The following ARL6IP6 variants were observed in gnomAD, a reference collection of about 807,000 sequenced individuals.
ARL6IP6 encodes the protein ADP-ribosylation factor-like protein 6-interacting protein 6.
In ARL6IP6, 22 loss-of-function variants were observed where a neutral mutation model predicts 21.5. The ratio of observed to expected loss-of-function variants is 1.02; its 90% CI spans 0.73 to 1.46. The LOEUF is 1.46. Ranked by LOEUF, ARL6IP6 falls within the 40% of genes most tolerant of loss-of-function variation. The pLI, the probability that ARL6IP6 is intolerant of heterozygous loss-of-function variation, is 0.00. For missense variants in ARL6IP6, 388 were observed against 299.8 expected (o/e 1.29, Z -2.17); for synonymous variants, 164 against 125.3 (o/e 1.31, Z -2.06).
rs138592953 is a variant in ARL6IP6 at position 152,719,008 on chromosome 2, C to T, written c.384C>T (p.Ala128=). The T allele has an allele frequency of 3.3e-5, 52 of 1,573,652 alleles. 1 individual carries two copies. The highest frequency in any genetic ancestry group is 3.4e-4 in the Middle Eastern group (2 of 5,940). ...TTCTCGCCTTCCTCCTCGCCATCGCCTACTTGATCGTTAAAGGTATTGAAG... is the reference window on the plus strand; with the variant it reads ...TTCTCGCCTTCCTCCTCGCCATCGCTTACTTGATCGTTAAAGGTATTGAAG... The part of the protein sequence containing the change: ...AILLAFLLAI[A]YLIVKELHAE... The change falls in exon 1 of 4, where the codon GCC becomes GCT. Residue 128 remains alanine, a synonymous_variant. Coordinates refer to ENST00000326446, the MANE Select transcript of ARL6IP6 (RefSeq NM_152522.7).
Position 152,761,960 on chromosome 2 carries a change from A to G in ARL6IP6, c.*2120A>G, listed in dbSNP as rs61679785. Reference sequence around the variant, plus strand: ...ATAGAGAGAGATGTATCCGTAAGATATTTTTGTGGAATCCTAATTCTTCTG... The same window carrying G: ...ATAGAGAGAGATGTATCCGTAAGATGTTTTTGTGGAATCCTAATTCTTCTG... On this transcript the variant is annotated 3_prime_UTR_variant, in exon 4 of 4. Transcript: ENST00000326446. 1.0e-3 allele frequency among the ~76,000 whole-genome samples: 157 copies of G among 152,274 alleles called. 3 individuals carry two copies. The highest frequency in any genetic ancestry group is 3.7e-3 in the African/African-American group (154 of 41,544).
chr2:152,740,655 A>T (rs924967756), intron 3 of ARL6IP6, among the ~76,000 whole-genome samples: 1 of 152,006 alleles, frequency 6.6e-6, no homozygotes, highest in Non-Finnish European at 1.5e-5. Flanking sequence ...ATAAATACAA[A>T]ATAATGCATA....
chr2:152,735,582 G>T (rs1228381427), intron 3 of ARL6IP6, among the ~76,000 whole-genome samples: 1 of 152,098 alleles, frequency 6.6e-6, no homozygotes, highest in East Asian at 1.9e-4. Context: ...TATATGTCTA[G>T]ACCAGATTGG....
In ARL6IP6 at chr2:152,760,607, G is replaced by GA. The variant is rs1397982273; in HGVS notation, c.*773dup. ...AGTTTATTTTTAACAAAAAATGCCT[G>GA]AAAAAAGCTAAATTATTTAAGTCAT... is the stretch of plus-strand genomic sequence containing the variant. On this transcript the variant is annotated 3_prime_UTR_variant, in exon 4 of 4. Transcript: ENST00000326446. 1 of 151,666 alleles carries GA rather than the reference G, an allele frequency of 6.6e-6. No individual in the cohort carries two copies. Among genetic ancestry groups the GA allele is most frequent in the Non-Finnish European group, 1.5e-5 (1 of 67,880 alleles). The allele number at this position is 151,666 out of a possible 1,614,324, so 9.4% of individuals were successfully genotyped here. A position where few individuals can be genotyped will look rare whatever the true frequency, so the allele number is the denominator to read the frequency against.
In ARL6IP6 at chr2:152,754,691, G is replaced by A. The variant is rs116719059; in HGVS notation, c.588-5056G>A. On this transcript the variant is annotated intron_variant, in intron 3 of 3. Transcript: ENST00000326446. ...TTTACATTCCCACCAGCAATGTTCA[G>A]GACTTCTGATTTCCCCACATCCTCA... Among the ~76,000 whole-genome samples the A allele has an allele frequency of 4.8e-3, 723 of 152,120 alleles. 4 individuals are homozygous for A. Among genetic ancestry groups the A allele is most frequent in the African/African-American group, 0.016 (672 of 41,514 alleles).
chr2:152,734,629 T>A (rs1238107803), intron 2 of ARL6IP6, among the ~76,000 whole-genome samples: 2 of 152,206 alleles, frequency 1.3e-5, no homozygotes, highest in African/African-American at 4.8e-5. Flanking sequence ...ACACTGTGAT[T>A]GCAGGCATGA....
At chr2:152,727,120 G>T (rs1341333265) in intron 2 of ARL6IP6, among the ~76,000 whole-genome samples, 1 of 152,134 alleles carries the variant, frequency 6.6e-6, no homozygotes, top group Non-Finnish European at 1.5e-5. Context: ...ACAGTTTCAT[G>T]CATGTTGTTG....
In ARL6IP6 at chr2:152,725,661, A is replaced by G. The variant is rs568945120; in HGVS notation, c.454+5075A>G. Among the ~76,000 whole-genome samples, 20 of 151,974 alleles carry G rather than the reference A, an allele frequency of 1.3e-4. No homozygotes were observed. The East Asian group carries it at 1.4e-3, about 10-fold the overall frequency. On this transcript the variant is annotated intron_variant, in intron 2 of 3. Transcript: ENST00000326446. ...TAATGACGCAAGTGCAAAAAAAAAA[A>G]GCAGGAATAATGACAAGCTGTAACC...
chr2:152,718,549 G>T, upstream of ARL6IP6: 2 of 1,484,052 alleles, frequency 1.3e-6, no homozygotes, highest in South Asian at 2.9e-5. Flanking sequence ...CCACTGCCGC[G>T]GATTGGCTGT....
chr2:152,759,235 G>C (rs1559247617), intron 3 of ARL6IP6, among the ~76,000 whole-genome samples: 2 of 152,102 alleles, frequency 1.3e-5, no homozygotes, highest in East Asian at 3.9e-4. Flanking sequence ...CTTCAATTAA[G>C]TAACCTATTA....
chr2:152,742,029 A>G (rs1278441182), intron 3 of ARL6IP6, among the ~76,000 whole-genome samples: 4 of 152,170 alleles, frequency 2.6e-5, no homozygotes, highest in African/African-American at 9.7e-5. Context: ...ACTATGTTAT[A>G]ATTCATTATC....
At chr2:152,725,631 T>C (rs1249040779) in intron 2 of ARL6IP6, among the ~76,000 whole-genome samples, 3 of 151,760 alleles carry the variant, frequency 2.0e-5, no homozygotes, top group African/African-American at 4.8e-5. Flanking sequence ...TCAAACATTG[T>C]GTTTTAATGA....
At chr2:152,737,905 C>G (rs1241805349) in intron 3 of ARL6IP6, among the ~76,000 whole-genome samples, 2 of 152,106 alleles carry the variant, frequency 1.3e-5, no homozygotes, top group African/African-American at 4.8e-5. Flanking sequence ...CCAACAGTCC[C>G]CCAAATTTCA....
At chr2:152,735,310 T>A (rs1700502310) in intron 3 of ARL6IP6, among the ~76,000 whole-genome samples, 184 bp downstream of exon 3, 2 of 152,218 alleles carry the variant, frequency 1.3e-5, no homozygotes, top group Admixed American at 1.3e-4. Context: ...TATTTAAAAT[T>A]CTATATCTAG....
intron 1 of ARL6IP6, 68 bp from the exon 2 acceptor site, chr2:152,720,465 A>T (rs1316480961): frequency 6.7e-7 from 1 of 1,494,772 alleles, no homozygotes; most frequent in East Asian, 2.3e-5. Context: ...CAATGCCTTC[A>T]CAGCCCTTGA....
At chr2:152,743,104 AC>A (rs1293203833) in intron 3 of ARL6IP6, among the ~76,000 whole-genome samples, 1 of 3,996 alleles carries the variant, frequency 2.5e-4, no homozygotes, top group Non-Finnish European at 6.9e-4. Flanking sequence ...AAATCAAAAG[AC>A]TTTCTCTGTC....
At chr2:152,750,755 G>A (rs1166209990) in intron 3 of ARL6IP6, among the ~76,000 whole-genome samples, 3 of 152,088 alleles carry the variant, frequency 2.0e-5, no homozygotes, top group African/African-American at 4.8e-5. Flanking sequence ...TGCTCTGCTC[G>A]TTTACATTTT....
At chr2:152,739,900 A>G (rs919367004) in intron 3 of ARL6IP6, among the ~76,000 whole-genome samples, 1 of 152,148 alleles carries the variant, frequency 6.6e-6, no homozygotes, top group African/African-American at 2.4e-5. Flanking sequence ...TGTGCAGAGG[A>G]ACTGCCCTTT....
Position 152,718,621 on chromosome 2 carries a change from C to T in ARL6IP6, c.-4C>T, listed in dbSNP as rs770505526. 7 of 1,518,274 alleles carry T rather than the reference C, an allele frequency of 4.6e-6. No individual in the cohort carries two copies. Among genetic ancestry groups the T allele is most frequent in the Non-Finnish European group, 3.5e-6 (4 of 1,132,694 alleles). 94.1% of individuals were successfully genotyped at this position (1,518,274 alleles called of 1,614,324 possible). On this transcript the variant is annotated 5_prime_UTR_variant, in exon 1 of 4. Coordinates refer to ENST00000326446, the MANE Select transcript of ARL6IP6 (RefSeq NM_152522.7). ...TCTCCGCGGGTTTCGTTGTGTTTCG[C>T]GCCATGTCGTTTGCTGAGAGCGGGT...
Sources: gnomAD v4.1 joint callset for allele counts (sites outside exome capture counted in the v4.1 genomes callset) on GRCh38, gnomAD v4.1.1 for gene constraint, MANE v1.5 for transcripts, NCBI Gene and HGNC (gene_info 2026-07-23, HGNC 2026-07-21) for gene names.